The following NSMCE2 variants were observed in gnomAD, a reference collection of about 807,000 sequenced individuals.
NSMCE2 encodes the protein E3 SUMO-protein ligase NSE2.
In NSMCE2, 24 loss-of-function variants were observed where a neutral mutation model predicts 23.8. That is an observed-to-expected ratio of 1.01 (90% CI 0.73 to 1.42). The LOEUF is 1.42. NSMCE2 is among the 40% of genes most tolerant of loss of function. The pLI is 0.00. For missense variants in NSMCE2, 284 were observed against 296.5 expected, an observed-to-expected ratio of 0.96 and a Z score of 0.31; for synonymous variants, 92 against 94.1, an observed-to-expected ratio of 0.98 and a Z score of 0.13.
intron 5 of NSMCE2, among the ~76,000 whole-genome samples, chr8:125,246,429 GCCT>G (rs893219093): frequency 1.3e-5 from 2 of 151,890 alleles, no homozygotes; most frequent in African/African-American, 4.8e-5. Context: ...TGATCCACCC[GCCT>G]CCTCCTCCCA....
At chr8:125,294,799 G>A (rs911006069) in intron 5 of NSMCE2, among the ~76,000 whole-genome samples, 3 of 152,158 alleles carry the variant, frequency 2.0e-5, no homozygotes, top group Admixed American at 6.5e-5. Context: ...ACAGTGTTCC[G>A]AGGCCTTTAT....
intron 5 of NSMCE2, among the ~76,000 whole-genome samples, chr8:125,279,903 C>T (rs777445764): frequency 2.6e-5 from 4 of 152,142 alleles, no homozygotes; most frequent in African/African-American, 7.2e-5. Context: ...GACTTAGTAA[C>T]CCCAGCGCAG....
intron 5 of NSMCE2, among the ~76,000 whole-genome samples, chr8:125,208,907 T>G (rs1267724398): frequency 1.3e-5 from 2 of 152,228 alleles, no homozygotes; most frequent in African/African-American, 4.8e-5. Flanking sequence ...TAGAAAACAT[T>G]ATGCTGGGAA....
chr8:125,228,295 A>G (rs1311195408), intron 5 of NSMCE2, among the ~76,000 whole-genome samples: 1 of 152,212 alleles, frequency 6.6e-6, no homozygotes, highest in Non-Finnish European at 1.5e-5. Context: ...CAGTCAGCAG[A>G]TATTTATTCA....
rs776782940 is a variant in NSMCE2, at chr8:125,102,452, C to T, written c.122C>T (p.Ala41Val). Residue 41 changes from alanine (A) to valine (V), a missense_variant, in exon 3 of 8, where the codon GCT becomes GTT. Physicochemically the swap from Ala to Val is moderately conservative, Grantham distance 64. Coordinates refer to ENST00000287437, the MANE Select transcript of NSMCE2 (RefSeq NM_173685.4). ...QACINSGMDT[A>V]SSVALDLVES... ...TGTATCAACTCTGGTATGGACACAG[C>T]TTCTAGTGTTGCTTTGGATCTTGTG... The T allele has an allele frequency of 6.2e-7, 1 of 1,613,788 alleles. No homozygotes were observed. The highest frequency in any genetic ancestry group is 8.5e-7 in the Non-Finnish European group (1 of 1,179,836).
intron 3 of NSMCE2, among the ~76,000 whole-genome samples, chr8:125,122,652 C>T (rs1439040265): frequency 6.6e-6 from 1 of 152,146 alleles, no homozygotes; most frequent in Non-Finnish European, 1.5e-5. Flanking sequence ...ATTCCTCTCC[C>T]ACCCAAACCA....
At chr8:125,190,067 A>G (rs1454250730) in intron 5 of NSMCE2, among the ~76,000 whole-genome samples, 5 of 152,182 alleles carry the variant, frequency 3.3e-5, no homozygotes, top group Non-Finnish European at 7.3e-5. Context: ...CTTAAATGTC[A>G]CAACCAAGAT....
intron 3 of NSMCE2, among the ~76,000 whole-genome samples, chr8:125,137,188 T>C (rs1820111665): frequency 6.6e-6 from 1 of 152,174 alleles, no homozygotes; most frequent in African/African-American, 2.4e-5. Flanking sequence ...ACTTCTACTC[T>C]TTCCTGAAAG....
chr8:125,295,488 T>C (rs1196914748), intron 5 of NSMCE2, among the ~76,000 whole-genome samples: 1 of 152,074 alleles, frequency 6.6e-6, no homozygotes, highest in Non-Finnish European at 1.5e-5. Context: ...AACAGTAGAG[T>C]GATCATCCTT....
intron 5 of NSMCE2, among the ~76,000 whole-genome samples, chr8:125,210,403 T>G (rs10107980): frequency 0.027 from 4,136 of 152,302 alleles, 172 homozygotes; most frequent in African/African-American, 0.094. Flanking sequence ...AAGAGAGAGC[T>G]CATTGAGGGT....
At chr8:125,327,545 T>G (rs989036310) in intron 5 of NSMCE2, among the ~76,000 whole-genome samples, 8 of 152,088 alleles carry the variant, frequency 5.3e-5, no homozygotes, top group South Asian at 2.1e-4. Context: ...TTTTAAGTCT[T>G]TAATTTGAGC....
intron 5 of NSMCE2, among the ~76,000 whole-genome samples, chr8:125,302,258 C>T (rs1828596072): frequency 6.6e-6 from 1 of 152,192 alleles, no homozygotes; most frequent in Non-Finnish European, 1.5e-5. Flanking sequence ...CGCCAGGTCC[C>T]AATTTCTTTT....
intron 5 of NSMCE2, among the ~76,000 whole-genome samples, chr8:125,316,646 C>A (rs773998017): frequency 2.0e-5 from 1 of 50,258 alleles, no homozygotes; most frequent in African/African-American, 3.7e-5. Flanking sequence ...TTATTTCCTT[C>A]TTTCCTTCTT....
chr8:125,363,658 AGAGAG>A (rs1360957567), intron 7 of NSMCE2, among the ~76,000 whole-genome samples: 2 of 103,606 alleles, frequency 1.9e-5, no homozygotes, highest in African/African-American at 7.7e-5. Context: ...AGGAAGGAGA[AGAGAG>A]GAGGGCGGGG....
chr8:125,152,294 C>T (rs1013827984), intron 4 of NSMCE2, among the ~76,000 whole-genome samples: 1 of 152,050 alleles, frequency 6.6e-6, no homozygotes, highest in African/African-American at 2.4e-5. Flanking sequence ...ATGACAGTGC[C>T]GTTATGTTGA....
At chr8:125,246,621 T>G (rs1245069194) in intron 5 of NSMCE2, among the ~76,000 whole-genome samples, 4 of 152,230 alleles carry the variant, frequency 2.6e-5, no homozygotes, top group Non-Finnish European at 1.5e-5. Flanking sequence ...CTCAATACTG[T>G]CAAACTTTGA....
Position 125,171,386 on chromosome 8 carries a change from A to G in NSMCE2, c.265-10717A>G, listed in dbSNP as rs1822198455. Among the ~76,000 whole-genome samples, 4 of 152,332 alleles carry G rather than the reference A, an allele frequency of 2.6e-5. No homozygotes were observed. The South Asian group carries it at 8.3e-4, about 32-fold the overall frequency. ...AGTAGTATGTCATGGACTTAGCGAT[A>G]TAACAGACCTGCTAATGCAGTCAGT... is the stretch of plus-strand genomic sequence containing the variant. On this transcript the variant is annotated intron_variant, in intron 4 of 7. Transcript: ENST00000287437.
intron 5 of NSMCE2, among the ~76,000 whole-genome samples, chr8:125,242,097 C>G (rs1563738970): frequency 6.6e-6 from 1 of 150,678 alleles, no homozygotes; most frequent in Non-Finnish European, 1.5e-5. Flanking sequence ...TCTATGTAAA[C>G]AATAACTGGG....
At chr8:125,267,445 T>A (rs1485237980) in intron 5 of NSMCE2, among the ~76,000 whole-genome samples, 1 of 152,218 alleles carries the variant, frequency 6.6e-6, no homozygotes, top group East Asian at 1.9e-4. Flanking sequence ...GAAGTAAGGC[T>A]AGACAGTCAG....
Sources: gnomAD v4.1 joint callset for allele counts (sites outside exome capture counted in the v4.1 genomes callset) on GRCh38, gnomAD v4.1.1 for gene constraint, MANE v1.5 for transcripts, NCBI Gene and HGNC (gene_info 2026-07-23, HGNC 2026-07-21) for gene names.